Variants in INTS10 observed in about 807,000 individuals in gnomAD.
The protein encoded by INTS10 is chromosome 8 open reading frame 35.
A neutral mutation model predicts 94.4 loss-of-function variants in INTS10; 44 were observed. That is an observed-to-expected ratio of 0.47 (90% CI 0.37 to 0.60). The LOEUF is 0.60. Ranked by LOEUF, INTS10 falls within the 20% of genes least tolerant of loss-of-function variation. The pLI, the probability that INTS10 is intolerant of heterozygous loss-of-function variation, is 0.00. For missense variants in INTS10, 797 were observed against 868.7 expected, an observed-to-expected ratio of 0.92 and a Z score of 1.04; for synonymous variants, 341 against 320.7, an observed-to-expected ratio of 1.06 and a Z score of -0.68.
At chr8:19,847,336 A>C (rs1233082578) in intron 16 of INTS10, among the ~76,000 whole-genome samples, 1 of 152,240 alleles carries the variant, frequency 6.6e-6, no homozygotes, top group Non-Finnish European at 1.5e-5. Flanking sequence ...TACTTTTCTA[A>C]GATCGTGAAT....
In INTS10 at chr8:19,833,112, A is replaced by G. The variant is rs878918966; in HGVS notation, c.1378-57A>G. 1.2e-5 allele frequency: 17 copies of G among 1,428,328 alleles called. No homozygotes were observed. The South Asian group carries it at 2.1e-4, about 18-fold the overall frequency. 88.5% of individuals were successfully genotyped at this position (1,428,328 alleles called of 1,614,324 possible). Reference sequence around the variant, plus strand: ...CGTGAACCCTGGAACGGTATTTTTTAAATTTCTTTTTTTAACAGCGATGCT... The same window carrying G: ...CGTGAACCCTGGAACGGTATTTTTTGAATTTCTTTTTTTAACAGCGATGCT... On this transcript the variant is annotated intron_variant, in intron 11 of 16. Transcript: ENST00000397977.
chr8:19,830,692 A>G, intron 10 of INTS10, 133 bp downstream of exon 10: 1 of 824,828 alleles, frequency 1.2e-6, no homozygotes, highest in South Asian at 1.8e-5. Flanking sequence ...TTGTTTTGAG[A>G]CGGAGTCTCA....
intron 8 of INTS10, among the ~76,000 whole-genome samples, chr8:19,825,441 G>A (rs1053905090): frequency 2.6e-5 from 4 of 151,572 alleles, no homozygotes; most frequent in South Asian, 4.2e-4. Context: ...CAGGAGAATC[G>A]CCTGAACCCG....
At chr8:19,841,050 A>G (rs1378947305) in intron 13 of INTS10, among the ~76,000 whole-genome samples, 3 of 152,212 alleles carry the variant, frequency 2.0e-5, no homozygotes, top group Non-Finnish European at 4.4e-5. Flanking sequence ...AAGACAGGGT[A>G]GTATTGGCAC....
At chr8:19,821,319 C>T (rs1037890130) in intron 4 of INTS10, 1 of 152,186 alleles carries the variant, frequency 6.6e-6, no homozygotes, top group African/African-American at 2.4e-5. Flanking sequence ...TCTTTCTTTA[C>T]CTCTCCCTGG....
chr8:19,847,317 A>T (rs143011757), intron 16 of INTS10, among the ~76,000 whole-genome samples: 24 of 152,352 alleles, frequency 1.6e-4, no homozygotes, highest in African/African-American at 5.1e-4. Context: ...GCATCTTCCA[A>T]TCCCCATTTA....
chr8:19,835,227 A>C (rs994431048), intron 12 of INTS10, among the ~76,000 whole-genome samples: 2 of 152,102 alleles, frequency 1.3e-5, no homozygotes, highest in Non-Finnish European at 2.9e-5. Context: ...CTTTTAACTA[A>C]GTTTTTGGCC....
chr8:19,835,319 T>C (rs966936408), intron 12 of INTS10, among the ~76,000 whole-genome samples: 2 of 152,200 alleles, frequency 1.3e-5, no homozygotes, highest in African/African-American at 4.8e-5. Flanking sequence ...AATTGAAGTA[T>C]TGGTTTTCTT....
rs2068381334 is a variant in INTS10 at position 19,844,223 on chromosome 8, T to C, written c.1867T>C (p.Phe623Leu). 6.2e-7 allele frequency: 1 copy of C among 1,608,736 alleles called. No individual in the cohort carries two copies. Among genetic ancestry groups the C allele is most frequent in the African/African-American group, 1.3e-5 (1 of 74,806 alleles). The change falls in exon 15 of 17, where the codon TTC becomes CTC. Residue 623 changes from phenylalanine to leucine, a missense_variant. Phe to Leu is a conservative substitution (Grantham distance 22). This residue lies in a region of INTS10 where 734 missense variants were observed against 787.8 expected (regional missense o/e 0.93). Transcript: ENST00000397977. ...AGGAAATTTCCAATATGAGAATTTT[T>C]TCAATTACGTTACAAGTATCCTTTT... The part of the protein sequence containing the change: ...QQGNFQYENF[F>L]NYVTNIDMLE...
chr8:19,833,776 G>A (rs2067430684), intron 12 of INTS10, among the ~76,000 whole-genome samples: 1 of 152,072 alleles, frequency 6.6e-6, no homozygotes, highest in Admixed American at 6.6e-5. Flanking sequence ...GGGAGGCTGA[G>A]GCCAGCACAT....
chr8:19,839,574 C>G (rs2067953622), intron 13 of INTS10, among the ~76,000 whole-genome samples: 1 of 151,850 alleles, frequency 6.6e-6, no homozygotes, highest in Non-Finnish European at 1.5e-5. Flanking sequence ...TGGTGTGCAC[C>G]TGTAGTTCCA....
chr8:19,836,309 A>C (rs1447997701), intron 12 of INTS10, among the ~76,000 whole-genome samples: 1 of 151,966 alleles, frequency 6.6e-6, no homozygotes, highest in African/African-American at 2.4e-5. Flanking sequence ...CATTGCATGG[A>C]ATCTGACTGT....
At chr8:19,831,663 C>G (rs914034493) in intron 10 of INTS10, among the ~76,000 whole-genome samples, 5 of 152,106 alleles carry the variant, frequency 3.3e-5, no homozygotes, top group African/African-American at 1.2e-4. Flanking sequence ...GTACTGCCAG[C>G]CTGGGTGACA....
chr8:19,825,034 A>C, intron 8 of INTS10, 62 bp downstream of exon 8: 2 of 1,375,524 alleles, frequency 1.5e-6, no homozygotes, highest in Non-Finnish European at 2.1e-6. Context: ...TGGTAAGGAA[A>C]ATGAAAGTGT....
intron 9 of INTS10, among the ~76,000 whole-genome samples, chr8:19,828,334 G>GT (rs939877127): frequency 1.2e-4 from 2 of 16,894 alleles, no homozygotes; most frequent in Admixed American, 7.6e-4. Flanking sequence ...AACTGGAGTT[G>GT]GGGGGTGGCC....
chr8:19,851,357 A>G lies in INTS10; in HGVS notation c.1977-292A>G, dbSNP rs555745489. Among the ~76,000 whole-genome samples, 16 of 152,362 alleles carry G rather than the reference A, an allele frequency of 1.1e-4. No homozygotes were observed. The highest frequency in any genetic ancestry group is 3.8e-4 in the African/African-American group (16 of 41,590). On this transcript the variant is annotated intron_variant, in intron 16 of 16. Coordinates refer to ENST00000397977, the MANE Select transcript of INTS10 (RefSeq NM_018142.4). The surrounding 1 kb of genome is among the most constrained non-coding windows in gnomAD (Gnocchi z 5.0). The stretch of plus-strand genomic sequence containing the variant: ...GTGTACCAGTCAGCAGTAGGGATGC[A>G]TAACACCAGAGCTTCATTGATTCAA...
At chr8:19,839,071 C>A (rs569299421) in intron 13 of INTS10, among the ~76,000 whole-genome samples, 59 of 144,882 alleles carry the variant, frequency 4.1e-4, no homozygotes, top group Admixed American at 1.7e-3. Flanking sequence ...GACTCCGTTT[C>A]AAAAAAAAAA....
rs1343527734 is a variant in INTS10, at chr8:19,817,666, G to C, written c.129G>C (p.Gln43His). ...TCTACCCGGCAGACTTTAACATCCA[G>C]GTGAGGTCCCGGCTGTGCATGCGGC... ...RSLYPADFNI[Q>H]YEMYTIERNA... Residue 43 changes from glutamine (Q) to histidine (H), a missense_variant and splice_region_variant, in exon 1 of 17, where the codon CAG (glutamine) becomes CAC (histidine). By Grantham distance (24) the Gln-to-His change is conservative. Coordinates refer to ENST00000397977, the MANE Select transcript of INTS10 (RefSeq NM_018142.4). The C allele has an allele frequency of 6.2e-7, 1 of 1,605,480 alleles. No individual in the cohort carries two copies. The highest frequency in any genetic ancestry group is 1.3e-5 in the African/African-American group (1 of 74,744).
In INTS10 at chr8:19,849,176, C is replaced by G. The variant is rs2068820310; in HGVS notation, c.1977-2473C>G. 7.8e-7 allele frequency: 1 copy of G among 1,289,484 alleles called. No homozygotes were observed. The highest frequency in any genetic ancestry group is 1.2e-5 in the South Asian group (1 of 81,030). 79.9% of individuals were successfully genotyped at this position (1,289,484 alleles called of 1,614,324 possible). A position where few individuals can be genotyped will look rare whatever the true frequency, so the allele number is the denominator to read the frequency against. On this transcript the variant is annotated intron_variant, in intron 16 of 16. Coordinates refer to ENST00000397977, the MANE Select transcript of INTS10 (RefSeq NM_018142.4). The surrounding 1 kb of genome is among the most constrained non-coding windows in gnomAD (Gnocchi z 4.6). ...GTTTTTTAAAGGCCTTCTAGCCCTC[C>G]CATGGGGTTACTGCAGCAGGAATTC...
Sources: gnomAD v4.1 joint callset for allele counts (sites outside exome capture counted in the v4.1 genomes callset) on GRCh38, gnomAD v4.1.1 for gene constraint, gnomAD v4.1.1 regional missense constraint, Gnocchi (gnomAD v3.1) non-coding constraint, MANE v1.5 for transcripts, NCBI Gene and HGNC (gene_info 2026-07-23, HGNC 2026-07-21) for gene names.